NSMCE2: variants seen among roughly 807,000 people sequenced by gnomAD.
The protein encoded by NSMCE2 is NSE2 SUMO ligase component of SMC5/6 complex, also known as E3 SUMO-protein ligase NSE2.
A neutral mutation model predicts 23.8 loss-of-function variants in NSMCE2; 24 were observed. The observed-to-expected ratio is 1.01, with a 90% CI of 0.73 to 1.42. The LOEUF (loss-of-function observed/expected upper bound fraction) is 1.42. Ranked by LOEUF, NSMCE2 falls within the 40% of genes most tolerant of loss-of-function variation. NSMCE2 has a pLI of 0.00. For synonymous variants in NSMCE2, 92 were observed against 94.1 expected, an observed-to-expected ratio of 0.98 and a Z score of 0.13; for missense variants, 284 against 296.5, an observed-to-expected ratio of 0.96 and a Z score of 0.31.
intron 5 of NSMCE2, among the ~76,000 whole-genome samples, chr8:125,274,109 G>A (rs1827341836): frequency 6.6e-6 from 1 of 152,146 alleles, no homozygotes; most frequent in Non-Finnish European, 1.5e-5. Flanking sequence ...CTCTCAGACT[G>A]TTTCTACTCT....
At chr8:125,275,993 C>T (rs891824930) in intron 5 of NSMCE2, among the ~76,000 whole-genome samples, 1 of 152,198 alleles carries the variant, frequency 6.6e-6, no homozygotes, top group Admixed American at 6.5e-5. Flanking sequence ...CCTTTGATCT[C>T]ATGGCCTTCT....
chr8:125,111,238 A>G (rs1818731300), intron 3 of NSMCE2, among the ~76,000 whole-genome samples: 1 of 152,218 alleles, frequency 6.6e-6, no homozygotes, highest in Non-Finnish European at 1.5e-5. Context: ...GAAAAATTAC[A>G]TGGTCAGGGA....
intron 1 of NSMCE2, among the ~76,000 whole-genome samples, chr8:125,099,455 A>C (rs1563648629): frequency 6.6e-6 from 1 of 152,104 alleles, no homozygotes. Flanking sequence ...TGGGTATAGA[A>C]GGAGAAGAAA....
chr8:125,227,836 C>T (rs548654463), intron 5 of NSMCE2, among the ~76,000 whole-genome samples: 11 of 151,970 alleles, frequency 7.2e-5, no homozygotes, highest in Non-Finnish European at 1.2e-4. Context: ...TTTCTGTAAA[C>T]TATATATTCG....
At chr8:125,270,072 AAG>A (rs1029978400) in intron 5 of NSMCE2, among the ~76,000 whole-genome samples, 21 of 152,186 alleles carry the variant, frequency 1.4e-4, no homozygotes, top group Admixed American at 1.3e-3. Context: ...GAGCTATAAG[AAG>A]AGAGAGAGTG....
At chr8:125,141,896 C>T (rs1396185443) in intron 3 of NSMCE2, among the ~76,000 whole-genome samples, 1 of 152,160 alleles carries the variant, frequency 6.6e-6, no homozygotes, top group East Asian at 1.9e-4. Context: ...GTGGTGAGTG[C>T]TCAATAAGCA....
intron 4 of NSMCE2, among the ~76,000 whole-genome samples, chr8:125,159,770 C>T (rs779385706): frequency 6.6e-6 from 1 of 151,838 alleles, no homozygotes; most frequent in Admixed American, 6.6e-5. Flanking sequence ...GACCAGCCTG[C>T]CCAACATGGT....
intron 4 of NSMCE2, among the ~76,000 whole-genome samples, chr8:125,181,854 A>G (rs1001436758): frequency 6.6e-6 from 1 of 152,188 alleles, no homozygotes; most frequent in African/African-American, 2.4e-5. Flanking sequence ...AGTTAGTAGG[A>G]TCATTGAAGG....
At chr8:125,260,560 A>G (rs1826645863) in intron 5 of NSMCE2, among the ~76,000 whole-genome samples, 1 of 149,038 alleles carries the variant, frequency 6.7e-6, no homozygotes, top group African/African-American at 2.5e-5. Flanking sequence ...TTCCTCAATA[A>G]AAAGAATTTG....
chr8:125,102,113 C>A lies in NSMCE2; in HGVS notation c.-48C>A. ...AAAAACTGAGGACACTTACCTTCCC[C>A]ATATATTGAGTCCAGCTGTGTTTGG... On this transcript the variant is annotated 5_prime_UTR_variant, in exon 2 of 8. Coordinates refer to ENST00000287437, the MANE Select transcript of NSMCE2 (RefSeq NM_173685.4). 2.0e-6 allele frequency: 1 copy of A among 487,844 alleles called. No individual in the cohort carries two copies. The highest frequency in any genetic ancestry group is 3.7e-6 in the Non-Finnish European group (1 of 269,978). The allele number at this position is 487,844 out of a possible 1,614,324, so 30.2% of individuals were successfully genotyped here.
intron 5 of NSMCE2, among the ~76,000 whole-genome samples, chr8:125,234,348 A>G (rs1825455128): frequency 6.6e-6 from 1 of 152,232 alleles, no homozygotes; most frequent in Non-Finnish European, 1.5e-5. Context: ...TCCTTACAGT[A>G]ATCTTGTGAG....
chr8:125,228,589 GGGCATTTGA>G (rs1417921489), intron 5 of NSMCE2, among the ~76,000 whole-genome samples: 1 of 152,216 alleles, frequency 6.6e-6, no homozygotes, highest in African/African-American at 2.4e-5. Context: ...AGGCAGTACA[GGGCATTTGA>G]GGCTGAGAGT....
chr8:125,362,038 T>G (rs577718690), intron 7 of NSMCE2, among the ~76,000 whole-genome samples: 1 of 152,314 alleles, frequency 6.6e-6, no homozygotes, highest in African/African-American at 2.4e-5. Flanking sequence ...GTCACCTTTG[T>G]GTTTGCCCTG....
intron 3 of NSMCE2, among the ~76,000 whole-genome samples, chr8:125,146,544 C>T (rs1475380428): frequency 6.6e-6 from 1 of 152,150 alleles, no homozygotes; most frequent in African/African-American, 2.4e-5. Context: ...GGCACATATA[C>T]ACCATGGAAT....
At chr8:125,203,094 G>A (rs1329119923) in intron 5 of NSMCE2, among the ~76,000 whole-genome samples, 2 of 152,012 alleles carry the variant, frequency 1.3e-5, no homozygotes, top group Admixed American at 6.6e-5. Context: ...TGTACTCTGT[G>A]GGCCTTTAAT....
At chr8:125,322,326 C>T (rs191140687) in intron 5 of NSMCE2, among the ~76,000 whole-genome samples, 46 of 152,270 alleles carry the variant, frequency 3.0e-4, no homozygotes, top group Non-Finnish European at 1.6e-4. Flanking sequence ...TATCATTGTG[C>T]CACTGCACTG....
chr8:125,129,617 A>G (rs919349234), intron 3 of NSMCE2, among the ~76,000 whole-genome samples: 1 of 151,234 alleles, frequency 6.6e-6, no homozygotes, highest in African/African-American at 2.4e-5. Flanking sequence ...CTGAGAGCAA[A>G]TTGCTGGAAT....
At chr8:125,346,021 G>T (rs760556631) in intron 5 of NSMCE2, among the ~76,000 whole-genome samples, 6 of 152,222 alleles carry the variant, frequency 3.9e-5, no homozygotes, top group Non-Finnish European at 5.9e-5. Context: ...GCTGGGCGTG[G>T]TGGCACATGC....
At chr8:125,319,891 G>T (rs1206046849) in intron 5 of NSMCE2, among the ~76,000 whole-genome samples, 1 of 151,926 alleles carries the variant, frequency 6.6e-6, no homozygotes, top group Admixed American at 6.5e-5. Flanking sequence ...AGAAAATTGT[G>T]GCTGGCCAGG....
Sources: allele counts gnomAD v4.1 joint callset (sites outside exome capture counted in the v4.1 genomes callset), GRCh38; gene constraint gnomAD v4.1.1; transcripts MANE v1.5; gene names NCBI Gene and HGNC (gene_info 2026-07-23, HGNC 2026-07-21).